The following TMEM178B variants were observed in gnomAD, a reference collection of about 807,000 sequenced individuals.
TMEM178B encodes transmembrane protein 178B.
In TMEM178B, 5 loss-of-function variants were observed where a neutral mutation model predicts 31.0. The observed-to-expected ratio is 0.16, with a 90% CI of 0.08 to 0.34. The LOEUF is 0.34. TMEM178B is among the 10% of genes least tolerant of loss of function. TMEM178B has a pLI of 1.00. For missense variants in TMEM178B, 275 were observed against 400.3 expected (o/e 0.69, Z 2.67); for synonymous variants, 164 against 164.0 (o/e 1.00, Z 0.00).
At chr7:141,419,173 G>C (rs1801155654) in intron 2 of TMEM178B, among the ~76,000 whole-genome samples, 1 of 152,164 alleles carries the variant, frequency 6.6e-6, no homozygotes, top group African/African-American at 2.4e-5. Context: ...GCCTCCCAAA[G>C]TGCTGGGATT....
intron 2 of TMEM178B, among the ~76,000 whole-genome samples, chr7:141,283,057 G>A (rs745900879): frequency 3.9e-5 from 6 of 152,088 alleles, no homozygotes; most frequent in South Asian, 2.1e-4. Context: ...TACTATCCCC[G>A]TTTTGGCACT....
chr7:141,111,616 C>T (rs948973323), intron 1 of TMEM178B, among the ~76,000 whole-genome samples: 2 of 152,152 alleles, frequency 1.3e-5, no homozygotes, highest in African/African-American at 4.8e-5. Flanking sequence ...CTTCTTGTCT[C>T]AGCTGTGAAG....
At chr7:141,398,656 A>AT (rs2116615752) in intron 2 of TMEM178B, among the ~76,000 whole-genome samples, 1 of 152,300 alleles carries the variant, frequency 6.6e-6, no homozygotes, top group Non-Finnish European at 1.5e-5. Context: ...GAAGCAGGAA[A>AT]TGTGATTTGC....
At chr7:141,091,172 T>C (rs563741964) in intron 1 of TMEM178B, among the ~76,000 whole-genome samples, 30 of 152,198 alleles carry the variant, frequency 2.0e-4, no homozygotes, top group Non-Finnish European at 3.8e-4. Context: ...CTGCCCAAGT[T>C]GTATAAAGTG....
chr7:141,488,198 A>C, the TMEM178B span, among the ~76,000 whole-genome samples: 1 of 152,214 alleles, frequency 6.6e-6, no homozygotes, highest in Admixed American at 6.5e-5. Flanking sequence ...ATTCTGAACC[A>C]AATGGTCATA....
intron 1 of TMEM178B, among the ~76,000 whole-genome samples, chr7:141,185,110 C>A (rs192204701): frequency 6.6e-6 from 1 of 152,284 alleles, no homozygotes; most frequent in East Asian, 1.9e-4. Flanking sequence ...TACAGATAGG[C>A]AGGCTGTGGG....
chr7:141,279,914 T>G (rs1185509272), intron 2 of TMEM178B, among the ~76,000 whole-genome samples: 1 of 152,230 alleles, frequency 6.6e-6, no homozygotes, highest in Non-Finnish European at 1.5e-5. Flanking sequence ...CCATTTTCAC[T>G]CGTTGACTTT....
chr7:141,089,623 A>T (rs141101276), intron 1 of TMEM178B, among the ~76,000 whole-genome samples: 2 of 152,222 alleles, frequency 1.3e-5, no homozygotes, highest in Non-Finnish European at 2.9e-5. Context: ...ATGTCCATCA[A>T]TGATAGACTG....
At chr7:141,160,688 A>G (rs1796154986) in intron 1 of TMEM178B, among the ~76,000 whole-genome samples, 2 of 152,052 alleles carry the variant, frequency 1.3e-5, no homozygotes, top group South Asian at 4.2e-4. Flanking sequence ...TATGTTCTGC[A>G]CCGTTTTCCT....
At chr7:141,165,944 G>T (rs1189526345) in intron 1 of TMEM178B, among the ~76,000 whole-genome samples, 1 of 152,192 alleles carries the variant, frequency 6.6e-6, no homozygotes, top group Non-Finnish European at 1.5e-5. Flanking sequence ...GACTGTCCTT[G>T]TTAGCCACGG....
chr7:141,487,939 T>C, the TMEM178B span, among the ~76,000 whole-genome samples: 2 of 152,058 alleles, frequency 1.3e-5, no homozygotes, highest in Non-Finnish European at 2.9e-5. Context: ...TCTTAATCTT[T>C]TCAGCAGTAT....
chr7:141,296,042 A>C (rs972077494), intron 2 of TMEM178B, among the ~76,000 whole-genome samples: 45 of 151,606 alleles, frequency 3.0e-4, no homozygotes, highest in Non-Finnish European at 1.3e-4. Context: ...AAAACCCTAA[A>C]TGTTTGCACT....
chr7:141,276,214 G>A (rs545812250), intron 2 of TMEM178B, among the ~76,000 whole-genome samples: 3 of 152,234 alleles, frequency 2.0e-5, no homozygotes, highest in Non-Finnish European at 4.4e-5. Flanking sequence ...GTGTGCCTGG[G>A]TGACAGCAGG....
chr7:141,151,854 C>A (rs779756263), intron 1 of TMEM178B, among the ~76,000 whole-genome samples: 1 of 152,170 alleles, frequency 6.6e-6, no homozygotes, highest in Non-Finnish European at 1.5e-5. Context: ...GGGTGCCCCT[C>A]ACCTCTCAGG....
the TMEM178B span, among the ~76,000 whole-genome samples, chr7:141,507,141 C>T: frequency 0.21 from 32,326 of 152,052 alleles, 4,461 homozygotes; most frequent in East Asian, 0.39. Flanking sequence ...CTAGGTGCAC[C>T]GTGCAAGCTG....
At chr7:141,146,367 G>A (rs1337514985) in intron 1 of TMEM178B, among the ~76,000 whole-genome samples, 1 of 152,190 alleles carries the variant, frequency 6.6e-6, no homozygotes, top group Admixed American at 6.5e-5. Context: ...AGTGGCCTGC[G>A]AATTACTCTT....
At chr7:141,309,466 C>T (rs1168369061) in intron 2 of TMEM178B, among the ~76,000 whole-genome samples, 1 of 152,164 alleles carries the variant, frequency 6.6e-6, no homozygotes, top group Non-Finnish European at 1.5e-5. Flanking sequence ...CTGATAATCT[C>T]AGTACCCAAA....
intron 2 of TMEM178B, among the ~76,000 whole-genome samples, chr7:141,330,046 A>T (rs1229601271): frequency 6.6e-6 from 1 of 152,112 alleles, no homozygotes; most frequent in Non-Finnish European, 1.5e-5. Flanking sequence ...TGAGAAATTT[A>T]ATCTTCACCC....
chr7:141,327,468 A>G (rs1184530936), intron 2 of TMEM178B, among the ~76,000 whole-genome samples: 2 of 152,218 alleles, frequency 1.3e-5, no homozygotes, highest in Admixed American at 1.3e-4. Context: ...AGATGAGCCT[A>G]CATTGGAACA....
Sources: allele counts gnomAD v4.1 joint callset (sites outside exome capture counted in the v4.1 genomes callset), GRCh38; gene constraint gnomAD v4.1.1; transcripts MANE v1.5; gene names NCBI Gene and HGNC (gene_info 2026-07-23, HGNC 2026-07-21).